The following CERS6 variants were observed in gnomAD, a reference collection of about 807,000 sequenced individuals.
CERS6 encodes the protein ceramide synthase 6.
Under a neutral mutation model 56.8 loss-of-function variants are expected in CERS6, and 26 were observed. The observed-to-expected ratio is 0.46, with a 90% CI of 0.34 to 0.63. The LOEUF (loss-of-function observed/expected upper bound fraction) is 0.63. CERS6 is among the 30% of genes least tolerant of loss of function. The pLI is 0.01. For missense variants in CERS6, 415 were observed against 467.5 expected (o/e 0.89, Z 1.04); for synonymous variants, 164 against 173.3 (o/e 0.95, Z 0.42).
intron 3 of CERS6, among the ~76,000 whole-genome samples, chr2:168,608,119 C>A (rs1684098037): frequency 6.6e-6 from 1 of 152,220 alleles, no homozygotes; most frequent in Admixed American, 6.5e-5. Flanking sequence ...CTTTTCAGAA[C>A]ATTTCATATA....
At chr2:168,715,256 C>A in intron 7 of CERS6, 127 bp downstream of exon 7, 1 of 639,118 alleles carries the variant, frequency 1.6e-6, no homozygotes, top group Non-Finnish European at 2.4e-6. Flanking sequence ...ATTGAAACTG[C>A]AGAGTGTTTC....
At chr2:168,711,006 T>C (rs1687075313) in intron 6 of CERS6, among the ~76,000 whole-genome samples, 1 of 152,230 alleles carries the variant, frequency 6.6e-6, no homozygotes, top group African/African-American at 2.4e-5. Flanking sequence ...CAATGTGTCA[T>C]GCTGTTTGGA....
At chr2:168,509,260 C>T (rs568466910) in intron 1 of CERS6, among the ~76,000 whole-genome samples, 1 of 152,306 alleles carries the variant, frequency 6.6e-6, no homozygotes, top group South Asian at 2.1e-4. Flanking sequence ...CTTTTCATAA[C>T]ATGACAACAG....
At chr2:168,750,733 G>A (rs546311246) in intron 8 of CERS6, among the ~76,000 whole-genome samples, 3 of 152,206 alleles carry the variant, frequency 2.0e-5, no homozygotes, top group South Asian at 4.1e-4. Flanking sequence ...ATTTCCTCAC[G>A]GATTCCTGAT....
chr2:168,698,260 A>AAAAAAAAAAAAAAAGAAAAAG (rs1686715646), intron 6 of CERS6, among the ~76,000 whole-genome samples: 2 of 43,708 alleles, frequency 4.6e-5, no homozygotes, highest in African/African-American at 8.8e-5. Flanking sequence ...AAAAAGAAAA[A>AAAAAAAAAAAAAAAGAAAAAG]AAAAAAAAAA....
intron 8 of CERS6, among the ~76,000 whole-genome samples, chr2:168,746,841 G>T (rs917538712): frequency 9.4e-6 from 1 of 106,036 alleles, no homozygotes; most frequent in East Asian, 2.9e-4. Context: ...TTGAAAAAAT[G>T]ATTATATGCA....
At position 168,456,711 on chromosome 2, in the gene CERS6, C is replaced by A; in HGVS notation, c.170+93C>A. The A allele has an allele frequency of 7.8e-7, 1 of 1,277,834 alleles. No homozygotes were observed. Among genetic ancestry groups the A allele is most frequent in the Non-Finnish European group, 1.1e-6 (1 of 915,458 alleles). 79.2% of individuals were successfully genotyped at this position (1,277,834 alleles called of 1,614,324 possible). A position where few individuals can be genotyped will look rare whatever the true frequency, so the allele number is the denominator to read the frequency against. ...TCTCTGGCGCACGCCCCCGCGCCCC[C>A]AACGCTCGCGTTCACGCCTCCCAAC... On this transcript the variant is annotated intron_variant, in intron 1 of 9. Coordinates refer to ENST00000305747, the MANE Select transcript of CERS6 (RefSeq NM_203463.3). This position sits in a 1 kb window ranked among gnomAD's most constrained non-coding sequence, Gnocchi z 4.1.
At chr2:168,675,592 A>G (rs1686038301) in intron 4 of CERS6, among the ~76,000 whole-genome samples, 1 of 152,318 alleles carries the variant, frequency 6.6e-6, no homozygotes, top group Non-Finnish European at 1.5e-5. Context: ...TCTCAAAACA[A>G]AACAAAACAA....
At chr2:168,470,981 G>A (rs1693966532) in intron 1 of CERS6, among the ~76,000 whole-genome samples, 1 of 150,928 alleles carries the variant, frequency 6.6e-6, no homozygotes, top group Non-Finnish European at 1.5e-5. Flanking sequence ...GCAGGCGTTA[G>A]CTGTGGGTCT....
chr2:168,546,059 G>T (rs1011774712), intron 1 of CERS6, among the ~76,000 whole-genome samples: 1 of 152,296 alleles, frequency 6.6e-6, no homozygotes, highest in East Asian at 1.9e-4. Flanking sequence ...ATGATGAGGG[G>T]CAAATAACCA....
rs140439833 is a variant in CERS6 at position 168,596,343 on chromosome 2, G to T, written c.408-34642G>T. 4.4e-3 allele frequency among the ~76,000 whole-genome samples: 669 copies of T among 152,038 alleles called. 7 individuals are homozygous for T. Among genetic ancestry groups the T allele is most frequent in the African/African-American group, 0.015 (623 of 41,482 alleles). The stretch of plus-strand genomic sequence containing the variant: ...GATTATGTGTGTGGGCGGGGGATTG[G>T]GGGGAGGGGTTGTTGTCTTCTTGGT... On this transcript the variant is annotated intron_variant, in intron 3 of 9. Transcript: ENST00000305747.
At chr2:168,760,010 G>A (rs1294919727) in intron 8 of CERS6, among the ~76,000 whole-genome samples, 3 of 151,626 alleles carry the variant, frequency 2.0e-5, no homozygotes, top group African/African-American at 7.3e-5. Context: ...TTAGTATATG[G>A]CTCGATAAAT....
chr2:168,457,541 C>T (rs1005415065), intron 1 of CERS6, among the ~76,000 whole-genome samples: 3 of 151,492 alleles, frequency 2.0e-5, no homozygotes, highest in Non-Finnish European at 4.4e-5. Context: ...CAGCAGCACA[C>T]TTTTTTTTTC....
chr2:168,582,682 A>G (rs1205882408), intron 3 of CERS6, among the ~76,000 whole-genome samples: 1 of 152,186 alleles, frequency 6.6e-6, no homozygotes, highest in Non-Finnish European at 1.5e-5. Context: ...CATTATTTTA[A>G]TATTGATGTG....
intron 8 of CERS6, among the ~76,000 whole-genome samples, chr2:168,741,234 A>G (rs16855760): frequency 0.26 from 39,561 of 152,072 alleles, 5,675 homozygotes; most frequent in African/African-American, 0.36. Flanking sequence ...CTCTGGAGCT[A>G]TGATGATTAA....
intron 3 of CERS6, among the ~76,000 whole-genome samples, chr2:168,597,575 T>C (rs1683831401): frequency 6.6e-6 from 1 of 152,196 alleles, no homozygotes; most frequent in Non-Finnish European, 1.5e-5. Flanking sequence ...CTTTTTTCAA[T>C]TCCCAGATAA....
At chr2:168,572,998 C>A (rs1696018968) in intron 3 of CERS6, among the ~76,000 whole-genome samples, 1 of 151,926 alleles carries the variant, frequency 6.6e-6, no homozygotes, top group Non-Finnish European at 1.5e-5. Context: ...TTCAAATGGT[C>A]CTAGGGAAGA....
chr2:168,576,994 G>A (rs1199442328), intron 3 of CERS6, among the ~76,000 whole-genome samples: 1 of 152,220 alleles, frequency 6.6e-6, no homozygotes, highest in East Asian at 1.9e-4. Flanking sequence ...TTTTGGTCAT[G>A]TGAATCTGGA....
intron 1 of CERS6, among the ~76,000 whole-genome samples, chr2:168,460,863 C>T (rs575275831): frequency 2.0e-5 from 3 of 152,314 alleles, no homozygotes; most frequent in Admixed American, 6.5e-5. Context: ...CTGTCCCAAA[C>T]CTTCAAGAAA....
Sources: allele counts gnomAD v4.1 joint callset (sites outside exome capture counted in the v4.1 genomes callset), GRCh38; gene constraint gnomAD v4.1.1; non-coding constraint Gnocchi (gnomAD v3.1); transcripts MANE v1.5; gene names NCBI Gene and HGNC (gene_info 2026-07-23, HGNC 2026-07-21).